HS6ST2: variants seen among roughly 807,000 people sequenced by gnomAD.
The protein encoded by HS6ST2 is heparan-sulfate 6-O-sulfotransferase 2.
HS6ST2 carries 17 observed loss-of-function variants against 33.0 expected under a neutral mutation model. That is an observed-to-expected ratio of 0.52 (90% CI 0.35 to 0.77). The LOEUF (loss-of-function observed/expected upper bound fraction) is 0.77, where lower values mean the gene tolerates loss of function less well. HS6ST2 is among the 30% of genes least tolerant of loss of function. HS6ST2 has a pLI of 0.01. For missense variants in HS6ST2, 519 were observed against 551.7 expected (o/e 0.94, Z 0.59); for synonymous variants, 248 against 237.1 (o/e 1.05, Z -0.42).
At chrX:132,895,413 T>G (rs2066364111) in intron 2 of HS6ST2, among the ~76,000 whole-genome samples, 1 of 111,656 alleles carries the variant, frequency 9.0e-6, no homozygotes, top group Admixed American at 9.6e-5. Context: ...TAAAATGTCA[T>G]GTATACTTCT....
intron 2 of HS6ST2, among the ~76,000 whole-genome samples, chrX:132,787,193 A>G (rs1356406071): frequency 2.4e-5 from 2 of 83,811 alleles, no homozygotes; most frequent in African/African-American, 5.2e-5. Context: ...ATATACATAT[A>G]TATATACACA....
chrX:132,676,385 C>T (rs1457334503), intron 3 of HS6ST2, among the ~76,000 whole-genome samples: 1 of 111,773 alleles, frequency 8.9e-6, no homozygotes, highest in Non-Finnish European at 1.9e-5. Context: ...GTGGAATAAA[C>T]AAGTGTGAAA....
intron 2 of HS6ST2, among the ~76,000 whole-genome samples, chrX:132,759,811 C>T (rs5975351): frequency 0.046 from 5,130 of 111,814 alleles, 126 homozygotes; most frequent in Non-Finnish European, 0.067. Context: ...AAGATCACCA[C>T]GCTTAATGAT....
At chrX:132,774,896 G>T (rs2064941620) in intron 2 of HS6ST2, among the ~76,000 whole-genome samples, 1 of 110,473 alleles carries the variant, frequency 9.1e-6, no homozygotes, top group African/African-American at 3.3e-5. Flanking sequence ...GGCCAGGCTG[G>T]TCTCGAGCTT....
At chrX:132,845,308 T>C (rs1262450596) in intron 2 of HS6ST2, among the ~76,000 whole-genome samples, 1 of 109,900 alleles carries the variant, frequency 9.1e-6, no homozygotes, top group African/African-American at 3.3e-5. Context: ...GTGTTGCATG[T>C]GTGTATATAT....
chrX:132,870,218 A>G (rs937120981), intron 2 of HS6ST2, among the ~76,000 whole-genome samples: 6 of 111,628 alleles, frequency 5.4e-5, no homozygotes, highest in African/African-American at 2.0e-4. Flanking sequence ...AAGGGATGTG[A>G]AGGACCTCTT....
At chrX:132,819,612 G>A (rs1359523334) in intron 2 of HS6ST2, among the ~76,000 whole-genome samples, 1 of 111,559 alleles carries the variant, frequency 9.0e-6, no homozygotes, top group Non-Finnish European at 1.9e-5. Flanking sequence ...AGAAAGACAA[G>A]GTTCCAAAAC....
chrX:132,897,624 C>G (rs1368106584), intron 2 of HS6ST2, among the ~76,000 whole-genome samples: 2 of 110,987 alleles, frequency 1.8e-5, no homozygotes, highest in African/African-American at 6.6e-5. Context: ...ATTCAGAGAT[C>G]AGTGATATGA....
chrX:132,903,404 C>T (rs1055289956), intron 2 of HS6ST2, among the ~76,000 whole-genome samples: 16 of 111,760 alleles, frequency 1.4e-4, no homozygotes, highest in African/African-American at 5.2e-4. Context: ...TAATCCCTAT[C>T]AAAATCTTAC....
intron 3 of HS6ST2, among the ~76,000 whole-genome samples, chrX:132,670,925 G>C (rs910181747): frequency 8.9e-6 from 1 of 112,582 alleles, no homozygotes; most frequent in East Asian, 2.8e-4. Flanking sequence ...TCTGGAGAGA[G>C]TGGACACACA....
intron 2 of HS6ST2, among the ~76,000 whole-genome samples, chrX:132,858,837 C>G (rs1040260809): frequency 1.7e-4 from 19 of 112,288 alleles, no homozygotes; most frequent in African/African-American, 5.8e-4. Flanking sequence ...CTAGCACATA[C>G]TGGTGTCTTT....
intron 3 of HS6ST2, among the ~76,000 whole-genome samples, chrX:132,682,097 C>G (rs1308866306): frequency 8.9e-6 from 1 of 112,493 alleles, no homozygotes; most frequent in Non-Finnish European, 1.9e-5. Flanking sequence ...TGCCCTATCC[C>G]TGACTTCCCT....
chrX:132,871,511 C>T (rs967555174), intron 2 of HS6ST2, among the ~76,000 whole-genome samples: 1 of 111,611 alleles, frequency 9.0e-6, no homozygotes, highest in Non-Finnish European at 1.9e-5. Flanking sequence ...TTCACAATAG[C>T]AAAGTTTTGG....
intron 3 of HS6ST2, among the ~76,000 whole-genome samples, chrX:132,694,666 A>G (rs759001908): frequency 1.9e-4 from 21 of 111,046 alleles, no homozygotes; most frequent in Non-Finnish European, 3.4e-4. Context: ...CCAATAAAGG[A>G]AGCAGGGGAG....
chrX:132,815,231 G>A (rs1236939648), intron 2 of HS6ST2, among the ~76,000 whole-genome samples: 4 of 112,216 alleles, frequency 3.6e-5, no homozygotes, highest in East Asian at 2.8e-4. Context: ...AGGACATTAC[G>A]AAATGTTTTT....
chrX:132,820,087 G>A (rs1165868516), intron 2 of HS6ST2, among the ~76,000 whole-genome samples: 1 of 111,785 alleles, frequency 8.9e-6, no homozygotes, highest in African/African-American at 3.3e-5. Flanking sequence ...AGGCAGCAAG[G>A]GTGGCTCTTC....
At chrX:132,796,409 C>T (rs2065180682) in intron 2 of HS6ST2, among the ~76,000 whole-genome samples, 4 of 112,409 alleles carry the variant, frequency 3.6e-5, no homozygotes, top group Non-Finnish European at 7.5e-5. Flanking sequence ...CTAGGGTATG[C>T]TCTAAGTACC....
chrX:132,899,603 A>G (rs1449804063), intron 2 of HS6ST2, among the ~76,000 whole-genome samples: 1 of 111,735 alleles, frequency 8.9e-6, no homozygotes, highest in African/African-American at 3.2e-5. Flanking sequence ...ATACATAGAG[A>G]AAAAAGACTG....
chrX:132,791,235 A>G (rs753238897), intron 2 of HS6ST2, among the ~76,000 whole-genome samples: 1 of 112,433 alleles, frequency 8.9e-6, no homozygotes, highest in African/African-American at 3.2e-5. Context: ...CTCACTGTAT[A>G]GTATTTTGGG....
Sources: gnomAD v4.1 joint callset for allele counts (sites outside exome capture counted in the v4.1 genomes callset) on GRCh38, gnomAD v4.1.1 for gene constraint, MANE v1.5 for transcripts, NCBI Gene and HGNC (gene_info 2026-07-23, HGNC 2026-07-21) for gene names.